The following RAB44 variants were observed in gnomAD, a reference collection of about 807,000 sequenced individuals.
RAB44 encodes RAB44, member RAS oncogene family.
Under a neutral mutation model 93.3 loss-of-function variants are expected in RAB44, and 67 were observed. The observed-to-expected ratio is 0.72, with a 90% CI of 0.59 to 0.88. RAB44 has a LOEUF of 0.88. Among genes scored for constraint, RAB44 ranks in the 40% least tolerant of loss-of-function variants. The probability of loss-of-function intolerance (pLI) is 0.00; values close to 1 mark genes in which losing one functional copy is unlikely to be tolerated. For missense variants in RAB44, 1,064 were observed against 1,261.7 expected (o/e 0.84, Z 2.37); for synonymous variants, 427 against 520.3 (o/e 0.82, Z 2.44).
intron 9 of RAB44, among the ~76,000 whole-genome samples, chr6:36,725,344 C>T (rs1344345426): frequency 6.6e-6 from 1 of 152,202 alleles, no homozygotes; most frequent in African/African-American, 2.4e-5. Context: ...CCTTTTAAAA[C>T]AGCATTTTAA....
At chr6:36,730,441 T>C (rs985142542) in intron 12 of RAB44, among the ~76,000 whole-genome samples, 14 of 152,190 alleles carry the variant, frequency 9.2e-5, no homozygotes, top group African/African-American at 3.4e-4. Context: ...CTGTGAAATG[T>C]CTCTTCAATG....
intron 7 of RAB44, among the ~76,000 whole-genome samples, chr6:36,719,279 C>T (rs1763010256): frequency 6.6e-6 from 1 of 152,228 alleles, no homozygotes; most frequent in Non-Finnish European, 1.5e-5. Context: ...CTCACCACGG[C>T]CTGGGCTGGC....
chr6:36,732,054 C>T lies in RAB44; in HGVS notation c.3027C>T (p.Ala1009=), dbSNP rs1008159105. The change falls in exon 14 of 14, where the codon GCC becomes GCT. Residue 1009 remains alanine (A), a synonymous_variant. Coordinates refer to ENST00000612677, the MANE Select transcript of RAB44 (RefSeq NM_001257357.2). ...EGLKDSLVKV[A]PKRPPKRFGC... Reference sequence around the variant, plus strand: ...TGAAGGACTCGCTGGTGAAGGTGGCCCCCAAGAGGCCGCCCAAGAGATTCG... The same window carrying T: ...TGAAGGACTCGCTGGTGAAGGTGGCTCCCAAGAGGCCGCCCAAGAGATTCG... The T allele has an allele frequency of 4.1e-6, 5 of 1,234,288 alleles. No homozygotes were observed. Among genetic ancestry groups the T allele is most frequent in the African/African-American group, 3.1e-5 (2 of 64,480 alleles). 76.5% of individuals were successfully genotyped at this position (1,234,288 alleles called of 1,614,324 possible). A position where few individuals can be genotyped will look rare whatever the true frequency, so the allele number is the denominator to read the frequency against.
At chr6:36,716,468 T>G (rs1762923871) in intron 4 of RAB44, among the ~76,000 whole-genome samples, 1 of 108,404 alleles carries the variant, frequency 9.2e-6, no homozygotes, top group Non-Finnish European at 1.8e-5. Context: ...AGACTCTGTC[T>G]CAAAAAAAAA....
chr6:36,723,974 G>C (rs1483152626), intron 9 of RAB44, among the ~76,000 whole-genome samples: 1 of 151,622 alleles, frequency 6.6e-6, no homozygotes, highest in Non-Finnish European at 1.5e-5. Context: ...GTAAATGACA[G>C]CCCCCCACAA....
At position 36,725,876 on chromosome 6, in the gene RAB44, G is replaced by T; in HGVS notation, c.2614G>T (p.Val872Phe). The T allele has an allele frequency of 6.4e-7, 1 of 1,550,594 alleles. No individual in the cohort carries two copies. The highest frequency in any genetic ancestry group is 8.7e-7 in the Non-Finnish European group (1 of 1,146,962). Residue 872 changes from valine (V) to phenylalanine (F), a missense_variant, in exon 10 of 14, where the codon GTC becomes TTC. Val to Phe is a conservative substitution (Grantham distance 50, BLOSUM62 -1). Transcript: ENST00000612677. ...ATGTGTCCTAGGAGTAGATTTTCGG[G>T]TCAAAACCTTGCTGGTGGACAACAA... ...LTATVGVDFR[V>F]KTLLVDNKCF...
intron 1 of RAB44, among the ~76,000 whole-genome samples, chr6:36,698,123 T>A (rs1273757574): frequency 6.6e-6 from 1 of 152,116 alleles, no homozygotes; most frequent in Admixed American, 6.5e-5. Flanking sequence ...TACCCGTAAA[T>A]GGCTGTGTGA....
Position 36,721,546 on chromosome 6 carries a change from A to G in RAB44, c.1412A>G (p.Glu471Gly). Residue 471 changes from glutamate (E) to glycine (G), a missense_variant, in exon 9 of 14, where the codon GAG (glutamate) becomes GGG (glycine). Glu to Gly is a moderately conservative substitution (Grantham distance 98, BLOSUM62 -2). Coordinates refer to ENST00000612677, the MANE Select transcript of RAB44 (RefSeq NM_001257357.2). ...CCGCACGACCCGGACCCCAACCAGG[A>G]GCCAGGGTCCACACCCGAGGGCCGC... Reference protein sequence around the residue: ...VEPHDPDPNQEPGSTPEGRLL... With the variant: ...VEPHDPDPNQGPGSTPEGRLL... The G allele has an allele frequency of 1.6e-6, 2 of 1,234,550 alleles. No homozygotes were observed. The highest frequency in any genetic ancestry group is 2.0e-6 in the Non-Finnish European group (2 of 988,344). The allele number at this position is 1,234,550 out of a possible 1,614,324, so 76.5% of individuals were successfully genotyped here. A position where few individuals can be genotyped will look rare whatever the true frequency, so the allele number is the denominator to read the frequency against.
At position 36,722,738 on chromosome 6, in the gene RAB44, G is replaced by A. The variant is rs1243786620; in HGVS notation, c.2599+5G>A. On this transcript the variant is annotated splice_donor_5th_base_variant and intron_variant, in intron 9 of 13. Transcript: ENST00000612677. ...CCGGATTGACAGCTACCGTGGGTAA[G>A]GGCATTGGGGAGGGCGGCAGGGAGC... The A allele has an allele frequency of 6.4e-7, 1 of 1,550,440 alleles. No individual in the cohort carries two copies. Among genetic ancestry groups the A allele is most frequent in the Non-Finnish European group, 8.7e-7 (1 of 1,146,998 alleles).
chr6:36,728,881 T>A, intron 12 of RAB44, 80 bp downstream of exon 12: 1 of 1,179,696 alleles, frequency 8.5e-7, no homozygotes, highest in Non-Finnish European at 1.2e-6. Context: ...AGGCATCACC[T>A]GACCTGGGCA....
chr6:36,705,648 G>T (rs1365472630), intron 2 of RAB44, among the ~76,000 whole-genome samples: 2 of 152,122 alleles, frequency 1.3e-5, no homozygotes, highest in African/African-American at 4.8e-5. Flanking sequence ...CTCCCAAAGT[G>T]CTGGGATTAC....
Position 36,722,730 on chromosome 6 carries a change from G to A in RAB44, c.2596G>A (p.Val866Met), listed in dbSNP as rs752622324. 53 of 1,550,514 alleles carry A rather than the reference G, an allele frequency of 3.4e-5. No homozygotes were observed. The highest frequency in any genetic ancestry group is 1.4e-4 in the Admixed American group (7 of 50,988). The change falls in exon 9 of 14, where the codon GTG becomes ATG. Residue 866 changes from valine to methionine, a missense_variant. Transcript: ENST00000612677. ...NSFATGLTAT[V>M]GVDFRVKTLL... The stretch of plus-strand genomic sequence containing the variant: ...TTTCGCCACCGGATTGACAGCTACC[G>A]TGGGTAAGGGCATTGGGGAGGGCGG...
In RAB44 at chr6:36,722,594, C is replaced by T. The variant is rs369273503; in HGVS notation, c.2460C>T (p.Pro820=). ...EAGLTPSPGD[P]MAGGGPQANP... is the part of the protein sequence containing the mutation. ...GGCTGACCCCATCCCCGGGAGACCC[C>T]ATGGCTGGAGGGGGACCCCAGGCCA... is the stretch of plus-strand genomic sequence containing the variant. Residue 820 remains proline (P), a synonymous_variant, in exon 9 of 14, where the codon CCC becomes CCT. Transcript: ENST00000612677. 1.2e-4 allele frequency: 191 copies of T among 1,550,468 alleles called. No individual in the cohort carries two copies. The highest frequency in any genetic ancestry group is 1.6e-4 in the Non-Finnish European group (182 of 1,146,974).
At chr6:36,724,894 G>T (rs1763197469) in intron 9 of RAB44, among the ~76,000 whole-genome samples, 1 of 152,188 alleles carries the variant, frequency 6.6e-6, no homozygotes, top group South Asian at 2.1e-4. Flanking sequence ...CTCCATTCCT[G>T]CTCCCCCACC....
rs1364320919 is a variant in RAB44 at position 36,715,535 on chromosome 6, C to T, written c.376C>T (p.Pro126Ser). 4 of 1,536,170 alleles carry T rather than the reference C, an allele frequency of 2.6e-6. No homozygotes were observed. The Admixed American group carries it at 7.8e-5, about 30-fold the overall frequency. The change falls in exon 4 of 14, where the codon CCC becomes TCC. Residue 126 changes from proline to serine, a missense_variant. Coordinates refer to ENST00000612677, the MANE Select transcript of RAB44 (RefSeq NM_001257357.2). ...CAGGCTCCGCAGAAGGAAGCCACTG[C>T]CCTCTAAGCGGGTATCTGCTACCAC... The part of the protein sequence containing the change: ...PHRLRRRKPL[P>S]SKRVSATTSF...
intron 4 of RAB44, 88 bp downstream of exon 4, chr6:36,715,741 G>A: frequency 7.3e-7 from 1 of 1,375,462 alleles, no homozygotes; most frequent in East Asian, 2.5e-5. Flanking sequence ...GGTCAAGGGG[G>A]CAGGCGCCAG....
Position 36,727,638 on chromosome 6 carries a change from A to G in RAB44, c.2743A>G (p.Ile915Val). Residue 915 changes from isoleucine to valine, a missense_variant, in exon 11 of 14, where the codon ATC becomes GTC. Physicochemically the swap from Ile to Val is conservative, Grantham distance 29. Transcript: ENST00000612677. ...KADGVVLMYD[I>V]TSQESFAHVR... ...TGACGGGGTGGTGCTCATGTACGAC[A>G]TCACCTCCCAGGAGAGCTTTGCCCA... 1 of 1,550,574 alleles carries G rather than the reference A, an allele frequency of 6.4e-7. No individual in the cohort carries two copies. The highest frequency in any genetic ancestry group is 8.7e-7 in the Non-Finnish European group (1 of 1,146,992).
In RAB44 at chr6:36,717,502, TC is replaced by T; in HGVS notation, c.641+85del. On this transcript the variant is annotated intron_variant, in intron 5 of 13. Transcript: ENST00000612677. This position sits in a 1 kb window ranked among gnomAD's most constrained non-coding sequence, Gnocchi z 4.1. ...TGGAATCTGGTTGAATTTCCCCAGC[TC>T]CTCCTGCAGCTGGGCCTGTGAGCTG... 1 of 1,219,128 alleles carries T rather than the reference TC, an allele frequency of 8.2e-7. No individual in the cohort carries two copies. The highest frequency in any genetic ancestry group is 1.0e-6 in the Non-Finnish European group (1 of 977,184). The allele number at this position is 1,219,128 out of a possible 1,614,324, so 75.5% of individuals were successfully genotyped here. A position where few individuals can be genotyped will look rare whatever the true frequency, so the allele number is the denominator to read the frequency against.
At chr6:36,701,260 C>T (rs1391334616) in intron 1 of RAB44, among the ~76,000 whole-genome samples, 4 of 152,168 alleles carry the variant, frequency 2.6e-5, no homozygotes, top group Non-Finnish European at 5.9e-5. Context: ...CAAGCACACG[C>T]CACCATGCCT....
Sources: gnomAD v4.1 joint callset for allele counts (sites outside exome capture counted in the v4.1 genomes callset) on GRCh38, gnomAD v4.1.1 for gene constraint, Gnocchi (gnomAD v3.1) non-coding constraint, MANE v1.5 for transcripts, NCBI Gene and HGNC (gene_info 2026-07-23, HGNC 2026-07-21) for gene names.